Variants in SLC1A2 observed in about 807,000 individuals in gnomAD.
The protein encoded by SLC1A2 is solute carrier family 1 member 2, also known as excitatory amino acid transporter 2.
Under a neutral mutation model 48.8 loss-of-function variants are expected in SLC1A2, and 15 were observed. The observed-to-expected ratio is 0.31, with a 90% confidence interval of 0.21 to 0.47. SLC1A2 has a LOEUF of 0.47. SLC1A2 is among the 20% of genes least tolerant of loss of function. The pLI is 0.99. For synonymous variants in SLC1A2, 279 were observed against 272.6 expected, an observed-to-expected ratio of 1.02 and a Z score of -0.23; for missense variants, 502 against 730.5, an observed-to-expected ratio of 0.69 and a Z score of 3.61.
At chr11:35,362,606 G>A (rs1425397063) in intron 1 of SLC1A2, among the ~76,000 whole-genome samples, 1 of 152,210 alleles carries the variant, frequency 6.6e-6, no homozygotes, top group Non-Finnish European at 1.5e-5. Flanking sequence ...ATGTGAAAGT[G>A]CCTGGAATGT....
intron 3 of SLC1A2, among the ~76,000 whole-genome samples, chr11:35,314,779 T>C (rs540759933): frequency 4.4e-5 from 4 of 90,342 alleles, no homozygotes; most frequent in East Asian, 5.0e-4. Flanking sequence ...TGTTTCCTTT[T>C]CTTTTCTTTT....
intron 1 of SLC1A2, among the ~76,000 whole-genome samples, chr11:35,398,602 A>G (rs145248289): frequency 8.3e-4 from 126 of 152,222 alleles, no homozygotes; most frequent in African/African-American, 2.9e-3. Flanking sequence ...TGTATACCAA[A>G]CCCCTGTGAC....
chr11:35,416,955 G>A (rs1855621433), intron 1 of SLC1A2, among the ~76,000 whole-genome samples: 1 of 152,202 alleles, frequency 6.6e-6, no homozygotes, highest in African/African-American at 2.4e-5. Context: ...TTCCTCACAT[G>A]TGAGTTCCAC....
intron 1 of SLC1A2, among the ~76,000 whole-genome samples, chr11:35,357,200 T>A (rs542766625): frequency 3.3e-5 from 5 of 150,264 alleles, no homozygotes; most frequent in Admixed American, 3.3e-4. Flanking sequence ...GAGGTTGTAG[T>A]GAGTCGAGAT....
rs778188466 is a variant in SLC1A2 at position 35,281,007 on chromosome 11, A to G, written c.1287-6T>C. The G allele has an allele frequency of 3.1e-6, 5 of 1,595,644 alleles. No homozygotes were observed. In the South Asian group the frequency reaches 3.4e-5, roughly 11 times the overall value. ...TTGCCAGGGTGGCTGTGAGGCTATG[A>G]GAACAGAGAAGTTCAGGTCATGGAA... is the stretch of plus-strand genomic sequence containing the variant. On this transcript the variant is annotated splice_region_variant and splice_polypyrimidine_tract_variant and intron_variant, in intron 8 of 10. Coordinates refer to ENST00000278379, the MANE Select transcript of SLC1A2 (RefSeq NM_004171.4).
At chr11:35,276,026 G>C (rs1187024301) in intron 9 of SLC1A2, among the ~76,000 whole-genome samples, 2 of 152,100 alleles carry the variant, frequency 1.3e-5, no homozygotes, top group African/African-American at 2.4e-5. Context: ...ATTTTCCCAG[G>C]ATCCTCTACC....
intron 1 of SLC1A2, among the ~76,000 whole-genome samples, chr11:35,357,130 G>A (rs1368701765): frequency 6.6e-6 from 1 of 152,024 alleles, no homozygotes; most frequent in Non-Finnish European, 1.5e-5. Context: ...GGTGGCACAT[G>A]TCTGTAAACC....
At chr11:35,354,670 G>A (rs568256761) in intron 1 of SLC1A2, among the ~76,000 whole-genome samples, 7 of 152,158 alleles carry the variant, frequency 4.6e-5, no homozygotes, top group Admixed American at 2.0e-4. Context: ...CAATAGGGCC[G>A]AGGTCGAGAA....
At chr11:35,313,288 C>T (rs2134876036) in intron 3 of SLC1A2, among the ~76,000 whole-genome samples, 2 of 152,244 alleles carry the variant, frequency 1.3e-5, no homozygotes, top group South Asian at 4.1e-4. Context: ...TTTGCCCAGT[C>T]CTCTCATTTC....
At chr11:35,399,513 A>C (rs1855075962) in intron 1 of SLC1A2, 1 of 517,910 alleles carries the variant, frequency 1.9e-6, no homozygotes, top group Admixed American at 6.4e-5. Context: ...AGGTAGAGCT[A>C]GGAGAAGGAG....
At chr11:35,407,453 C>G (rs1236621876) in intron 1 of SLC1A2, among the ~76,000 whole-genome samples, 1 of 152,228 alleles carries the variant, frequency 6.6e-6, no homozygotes, top group Non-Finnish European at 1.5e-5. Context: ...AGGCTTATAG[C>G]ACACCTGGCC....
chr11:35,280,005 T>C (rs1232709393), intron 9 of SLC1A2, among the ~76,000 whole-genome samples: 1 of 152,198 alleles, frequency 6.6e-6, no homozygotes, highest in African/African-American at 2.4e-5. Flanking sequence ...AACGTACCCA[T>C]TTTAAGTGTG....
chr11:35,364,229 GGA>G (rs988250572), intron 1 of SLC1A2, among the ~76,000 whole-genome samples: 15 of 152,176 alleles, frequency 9.9e-5, no homozygotes, highest in African/African-American at 3.6e-4. Context: ...GGGGCTGTGG[GGA>G]GAGTTAAGCA....
chr11:35,306,577 T>C (rs1207889228), intron 4 of SLC1A2, among the ~76,000 whole-genome samples: 1 of 152,208 alleles, frequency 6.6e-6, no homozygotes. Flanking sequence ...CTGAGTACAA[T>C]GCATTTTTTA....
At chr11:35,268,047 C>T (rs1355778662) in intron 9 of SLC1A2, among the ~76,000 whole-genome samples, 1 of 152,220 alleles carries the variant, frequency 6.6e-6, no homozygotes, top group Non-Finnish European at 1.5e-5. Context: ...TGGAAGCCCT[C>T]AAAATCATCT....
chr11:35,350,196 C>T (rs1475895515), intron 1 of SLC1A2, among the ~76,000 whole-genome samples: 2 of 152,206 alleles, frequency 1.3e-5, no homozygotes. Context: ...ACTTAAACAA[C>T]AAGAAGACAT....
intron 1 of SLC1A2, among the ~76,000 whole-genome samples, chr11:35,404,958 T>G (rs976235198): frequency 6.6e-6 from 1 of 152,052 alleles, no homozygotes; most frequent in East Asian, 1.9e-4. Flanking sequence ...AGGAGGATTC[T>G]AGCATTTTCC....
intron 1 of SLC1A2, among the ~76,000 whole-genome samples, chr11:35,358,973 A>T (rs1190374501): frequency 6.6e-6 from 1 of 151,860 alleles, no homozygotes; most frequent in African/African-American, 2.4e-5. Context: ...TAGTACTATT[A>T]AAAAATACCT....
rs573439738 is a variant in SLC1A2, at chr11:35,326,353, G to T, written c.18-8837C>A. ...GAACCCTGAGCTTGAGGTTAAAAGA[G>T]CTCAGGATTTGGCCCTCAGGCCTGG... On this transcript the variant is annotated intron_variant, in intron 1 of 10. Coordinates refer to ENST00000278379, the MANE Select transcript of SLC1A2 (RefSeq NM_004171.4). Among the ~76,000 whole-genome samples, 8 of 152,342 alleles carry T rather than the reference G, an allele frequency of 5.3e-5. No homozygotes were observed. In the South Asian group the frequency reaches 1.0e-3, roughly 20 times the overall value.
Sources: allele counts gnomAD v4.1 joint callset (sites outside exome capture counted in the v4.1 genomes callset), GRCh38; gene constraint gnomAD v4.1.1; transcripts MANE v1.5; gene names NCBI Gene and HGNC (gene_info 2026-07-23, HGNC 2026-07-21).